Variants in SLC6A2 observed in about 807,000 individuals in gnomAD.
The protein encoded by SLC6A2 is solute carrier family 6 member 2, also known as sodium-dependent noradrenaline transporter.
Under a neutral mutation model 71.7 loss-of-function variants are expected in SLC6A2, and 26 were observed. That is an observed-to-expected ratio of 0.36 (90% CI 0.27 to 0.50). The LOEUF is 0.50. Among genes scored for constraint, SLC6A2 ranks in the 20% least tolerant of loss-of-function variants. SLC6A2 has a pLI of 0.96. For synonymous variants in SLC6A2, 363 were observed against 337.9 expected (o/e 1.07, Z -0.82); for missense variants, 581 against 803.9 (o/e 0.72, Z 3.35).
intron 2 of SLC6A2, among the ~76,000 whole-genome samples, chr16:55,657,390 G>A (rs1964488032): frequency 6.6e-6 from 1 of 152,186 alleles, no homozygotes; most frequent in Non-Finnish European, 1.5e-5. Flanking sequence ...CCAGAAGTGG[G>A]TGGGATTTGA....
At position 55,705,252 on chromosome 16, in the gene SLC6A2, T is replaced by A; in HGVS notation, c.*2906T>A. 1 of 1,536,252 alleles carries A rather than the reference T, an allele frequency of 6.5e-7. No homozygotes were observed. Among genetic ancestry groups the A allele is most frequent in the Non-Finnish European group, 8.7e-7 (1 of 1,146,758 alleles). ...ACAAGGGAGAAGGAGAGCTACCAAC[T>A]CTTGCCAGATATCCTGCTGAACAGA... is the stretch of plus-strand genomic sequence containing the variant. On this transcript the variant is annotated 3_prime_UTR_variant, in exon 15 of 15. Transcript: ENST00000568943.
At chr16:55,667,428 T>C (rs1964784420) in intron 2 of SLC6A2, among the ~76,000 whole-genome samples, 1 of 152,154 alleles carries the variant, frequency 6.6e-6, no homozygotes, top group African/African-American at 2.4e-5. Flanking sequence ...AATAAATAAT[T>C]ATGTAAAAAC....
At chr16:55,675,988 C>A (rs1965074484) in intron 4 of SLC6A2, among the ~76,000 whole-genome samples, 2 of 152,162 alleles carry the variant, frequency 1.3e-5, no homozygotes, top group Admixed American at 6.5e-5. Context: ...CTACTGCCTC[C>A]TGGGGCTCAG....
intron 2 of SLC6A2, among the ~76,000 whole-genome samples, chr16:55,669,098 C>T (rs993224831): frequency 5.3e-5 from 8 of 152,112 alleles, no homozygotes; most frequent in Admixed American, 1.3e-4. Context: ...TTAGAAACTC[C>T]GTCATGTAAA....
chr16:55,702,197 C>T (rs1273630170), intron 14 of SLC6A2, 126 bp from the exon 15 acceptor site: 7 of 978,520 alleles, frequency 7.2e-6, no homozygotes, highest in South Asian at 2.6e-5. Flanking sequence ...TTGCACGTTC[C>T]CTGAGGTCCG....
At position 55,660,963 on chromosome 16, in the gene SLC6A2, G is replaced by A. The variant is rs536828201; in HGVS notation, c.274+3995G>A. Among the ~76,000 whole-genome samples the A allele has an allele frequency of 2.6e-5, 4 of 152,348 alleles. No individual in the cohort carries two copies. The East Asian group carries it at 7.7e-4, about 29-fold the overall frequency. ...ATTACTGGAAAAGATCAGCCTGTCTGAACATCTTCCCCATGGCCAGCTGCT... is the reference window on the plus strand; with the variant it reads ...ATTACTGGAAAAGATCAGCCTGTCTAAACATCTTCCCCATGGCCAGCTGCT... On this transcript the variant is annotated intron_variant, in intron 2 of 14. Coordinates refer to ENST00000568943, the MANE Select transcript of SLC6A2 (RefSeq NM_001172501.3).
rs201774381 is a variant in SLC6A2, at chr16:55,702,747, C to CCA, written c.*401_*402insCA. 8,469 of 918,196 alleles carry CCA rather than the reference C, an allele frequency of 9.2e-3. 15 individuals carry two copies. The highest frequency in any genetic ancestry group is 0.012 in the East Asian group (106 of 8,972). The allele number at this position is 918,196 out of a possible 1,614,324, so 56.9% of individuals were successfully genotyped here. A position where few individuals can be genotyped will look rare whatever the true frequency, so the allele number is the denominator to read the frequency against. On this transcript the variant is annotated 3_prime_UTR_variant, in exon 15 of 15. Transcript: ENST00000568943. ...TGGGCTTTTGATCAGATACCCCTCC[C>CCA]AAAAAAAAAAAAAACTAAAACTAAA...
At position 55,697,812 on chromosome 16, in the gene SLC6A2, A is replaced by C. The variant is rs1597012733; in HGVS notation, c.1261-85A>C. The C allele has an allele frequency of 4.7e-6, 7 of 1,483,318 alleles. No individual in the cohort carries two copies. In the East Asian group the frequency reaches 1.6e-4, roughly 34 times the overall value. 91.9% of individuals were successfully genotyped at this position (1,483,318 alleles called of 1,614,324 possible). A position where few individuals can be genotyped will look rare whatever the true frequency, so the allele number is the denominator to read the frequency against. ...GCAGCCTACATGAGTCCTGGGCTGC[A>C]GGAGGCTCTAGGAACCCTGGGGCCT... is the stretch of plus-strand genomic sequence containing the variant. On this transcript the variant is annotated intron_variant, in intron 9 of 14. Coordinates refer to ENST00000568943, the MANE Select transcript of SLC6A2 (RefSeq NM_001172501.3).
chr16:55,680,027 TAAC>T (rs1965220826), intron 4 of SLC6A2, among the ~76,000 whole-genome samples: 1 of 152,176 alleles, frequency 6.6e-6, no homozygotes, highest in Non-Finnish European at 1.5e-5. Flanking sequence ...TCTCCAGATG[TAAC>T]AACCAAAAAT....
At chr16:55,694,161 A>C in intron 7 of SLC6A2, 48 bp downstream of exon 7, 1 of 1,328,150 alleles carries the variant, frequency 7.5e-7, no homozygotes, top group South Asian at 1.2e-5. Flanking sequence ...CTGGGGATTG[A>C]CTCTTGTTGG....
intron 14 of SLC6A2, among the ~76,000 whole-genome samples, 168 bp downstream of exon 14, chr16:55,702,102 T>G (rs1320841786): frequency 1.3e-5 from 2 of 152,234 alleles, no homozygotes; most frequent in African/African-American, 4.8e-5. Flanking sequence ...AGGCTCACCT[T>G]GAGCCCATGG....
chr16:55,661,703 T>C (rs1964614772), intron 2 of SLC6A2, among the ~76,000 whole-genome samples: 2 of 152,182 alleles, frequency 1.3e-5, no homozygotes, highest in Non-Finnish European at 2.9e-5. Context: ...CTTTGCTCCA[T>C]TTCCTAACAG....
chr16:55,701,916 G>A lies in SLC6A2; in HGVS notation c.1812G>A (p.Arg604=). 1 of 1,613,790 alleles carries A rather than the reference G, an allele frequency of 6.2e-7. No homozygotes were observed. The highest frequency in any genetic ancestry group is 1.1e-5 in the South Asian group (1 of 91,066). The change falls in exon 14 of 15, where the codon AGG becomes AGA. Residue 604 remains arginine (R), a synonymous_variant. Transcript: ENST00000568943. Reference sequence around the variant, plus strand: ...ACGAGCACCACCTGGTGGCTCAGAGGGACATCAGACAGTTCCAGGTGGGTG... The same window carrying A: ...ACGAGCACCACCTGGTGGCTCAGAGAGACATCAGACAGTTCCAGGTGGGTG... ...PENEHHLVAQ[R]DIRQFQLQHW...
chr16:55,703,710 G>A lies in SLC6A2; in HGVS notation c.*1364G>A. ...AGAGTCTCTTACACCCTTGTTGGAG[G>A]GATTCTTATTCTGACTGTGGGAGCT... is the stretch of plus-strand genomic sequence containing the variant. On this transcript the variant is annotated 3_prime_UTR_variant, in exon 15 of 15. Transcript: ENST00000568943. 1.0e-6 allele frequency: 1 copy of A among 985,222 alleles called. No individual in the cohort carries two copies. Among genetic ancestry groups the A allele is most frequent in the Non-Finnish European group, 1.2e-6 (1 of 829,764 alleles). 61.0% of individuals were successfully genotyped at this position (985,222 alleles called of 1,614,324 possible).
At chr16:55,676,733 A>G (rs1465942830) in intron 4 of SLC6A2, among the ~76,000 whole-genome samples, 13 of 152,218 alleles carry the variant, frequency 8.5e-5, no homozygotes, top group Non-Finnish European at 1.9e-4. Context: ...CCCTTTCTAT[A>G]CTACATTTTA....
intron 14 of SLC6A2, 41 bp downstream of exon 14, chr16:55,701,975 C>G (rs11568332): frequency 5.5e-5 from 82 of 1,482,688 alleles, no homozygotes; most frequent in Middle Eastern, 3.4e-4. Context: ...ATTACAAGGG[C>G]GGGCCCTGGC....
Position 55,705,170 on chromosome 16 carries a change from C to T in SLC6A2, c.*2824C>T. ...TTTGAGAACATCACATTTACGTCTA[C>T]TCAATGTCTAGTTATTTAGCACCCA... is the stretch of plus-strand genomic sequence containing the variant. On this transcript the variant is annotated 3_prime_UTR_variant, in exon 15 of 15. Coordinates refer to ENST00000568943, the MANE Select transcript of SLC6A2 (RefSeq NM_001172501.3). 2 of 1,304,140 alleles carry T rather than the reference C, an allele frequency of 1.5e-6. No individual in the cohort carries two copies. The highest frequency in any genetic ancestry group is 2.1e-6 in the Non-Finnish European group (2 of 935,152). 80.8% of individuals were successfully genotyped at this position (1,304,140 alleles called of 1,614,324 possible).
chr16:55,698,716 G>A (rs1177409889), intron 11 of SLC6A2, 148 bp downstream of exon 11: 5 of 707,222 alleles, frequency 7.1e-6, no homozygotes, highest in African/African-American at 1.8e-5. Flanking sequence ...CTCAATCCTC[G>A]GCTCATCTTT....
intron 3 of SLC6A2, chr16:55,671,529 G>A (rs1964913472): frequency 2.7e-6 from 1 of 375,262 alleles, no homozygotes; most frequent in Non-Finnish European, 4.8e-6. Flanking sequence ...TGAGCAGCGG[G>A]TAAGTGAAGC....
Sources: gnomAD v4.1 joint callset for allele counts (sites outside exome capture counted in the v4.1 genomes callset) on GRCh38, gnomAD v4.1.1 for gene constraint, MANE v1.5 for transcripts, NCBI Gene and HGNC (gene_info 2026-07-23, HGNC 2026-07-21) for gene names.